The following SAMD4B variants were observed in gnomAD, a reference collection of about 807,000 sequenced individuals.
SAMD4B encodes the protein sterile alpha motif domain containing 4B.
Under a neutral mutation model 74.5 loss-of-function variants are expected in SAMD4B, and 5 were observed. The observed-to-expected ratio is 0.07, with a 90% CI of 0.04 to 0.14. The LOEUF is 0.14. Among genes scored for constraint, SAMD4B ranks in the 10% least tolerant of loss-of-function variants. The pLI, the probability that SAMD4B is intolerant of heterozygous loss-of-function variation, is 1.00. For synonymous variants in SAMD4B, 373 were observed against 374.9 expected (o/e 1.00, Z 0.06); for missense variants, 608 against 921.8 (o/e 0.66, Z 4.41).
intron 2 of SAMD4B, among the ~76,000 whole-genome samples, chr19:39,356,345 C>T (rs1259645278): frequency 6.6e-6 from 1 of 152,170 alleles, no homozygotes; most frequent in Non-Finnish European, 1.5e-5. Context: ...TATCTTTTCT[C>T]ATAATTTGCA....
intron 3 of SAMD4B, among the ~76,000 whole-genome samples, chr19:39,366,676 G>T (rs2076978576): frequency 6.6e-6 from 1 of 152,124 alleles, no homozygotes; most frequent in African/African-American, 2.4e-5. Flanking sequence ...GAGAAATAGG[G>T]CTACAGACAG....
chr19:39,349,772 T>C (rs991496391), intron 1 of SAMD4B: 1 of 152,230 alleles, frequency 6.6e-6, no homozygotes, highest in African/African-American at 2.4e-5. Flanking sequence ...TCCAGAGATG[T>C]TGGTATTAAA....
rs2077908042 is a variant in SAMD4B at position 39,380,591 on chromosome 19, G to A, written c.1654G>A (p.Ala552Thr). Residue 552 changes from alanine to threonine, a missense_variant, in exon 11 of 14, where the codon GCA becomes ACA. By Grantham distance (58) the Ala-to-Thr change is moderately conservative. Around this residue, in one of 9 missense-constraint regions of SAMD4B, gnomAD observed 167 missense variants for 193.0 expected, o/e 0.87. Transcript: ENST00000610417. ...CTGCCTTCTGCTCTCTCATAGCTGGGCATTCGGCTCCAACTCGCTCCCCAT... is the reference window on the plus strand; with the variant it reads ...CTGCCTTCTGCTCTCTCATAGCTGGACATTCGGCTCCAACTCGCTCCCCAT... ...MQNYRQQKGW[A>T]FGSNSLPIAG... 6.2e-7 allele frequency: 1 copy of A among 1,614,184 alleles called. No individual in the cohort carries two copies. The highest frequency in any genetic ancestry group is 8.5e-7 in the Non-Finnish European group (1 of 1,180,034).
intron 3 of SAMD4B, among the ~76,000 whole-genome samples, chr19:39,364,799 C>T (rs576510096): frequency 2.0e-4 from 30 of 152,240 alleles, no homozygotes; most frequent in Non-Finnish European, 4.1e-4. Flanking sequence ...GCCTGAAGGA[C>T]AGCTTCATAA....
intron 1 of SAMD4B, among the ~76,000 whole-genome samples, chr19:39,346,140 G>A (rs1391533634): frequency 6.6e-6 from 1 of 152,178 alleles, no homozygotes; most frequent in African/African-American, 2.4e-5. Flanking sequence ...ATTGGGGCCT[G>A]CCTTCAGGGA....
chr19:39,370,458 CT>C (rs2077223255), intron 4 of SAMD4B, among the ~76,000 whole-genome samples: 1 of 152,182 alleles, frequency 6.6e-6, no homozygotes, highest in Non-Finnish European at 1.5e-5. Flanking sequence ...TCAACAAGAT[CT>C]GTTTTCCTAG....
downstream of SAMD4B, chr19:39,390,295 G>A (rs989009330): frequency 3.1e-6 from 5 of 1,610,162 alleles, no homozygotes; most frequent in African/African-American, 6.7e-5. Flanking sequence ...TGGGCCTAGT[G>A]GAGAAGAAAG....
intron 3 of SAMD4B, among the ~76,000 whole-genome samples, chr19:39,361,801 G>A (rs1188850721): frequency 6.6e-6 from 1 of 151,780 alleles, no homozygotes; most frequent in Admixed American, 6.6e-5. Flanking sequence ...GTGGGCGCCT[G>A]TAGTCCCAGC....
At chr19:39,381,314 C>A in intron 12 of SAMD4B, 1 of 574,490 alleles carries the variant, frequency 1.7e-6, no homozygotes, top group Non-Finnish European at 2.9e-6. Context: ...AGGTCTTGCC[C>A]CCACCCCTCT....
Position 39,369,228 on chromosome 19 carries a change from C to T in SAMD4B, c.197-427C>T, listed in dbSNP as rs140727148. ...AGAGGATTGCCTGAGTCCAGGAGTT[C>T]TGGGCTATAGTGTGCTATGCTGATT... On this transcript the variant is annotated intron_variant, in intron 3 of 13. Coordinates refer to ENST00000610417, the MANE Select transcript of SAMD4B (RefSeq NM_001384574.2). 828 of 173,920 alleles carry T rather than the reference C, an allele frequency of 4.8e-3. 10 individuals are homozygous for T. The highest frequency in any genetic ancestry group is 0.018 in the African/African-American group (744 of 41,806). 10.8% of individuals were successfully genotyped at this position (173,920 alleles called of 1,614,324 possible). A position where few individuals can be genotyped will look rare whatever the true frequency, so the allele number is the denominator to read the frequency against.
Position 39,383,854 on chromosome 19 carries a change from A to AC in SAMD4B, c.*329dup, listed in dbSNP as rs1360843637. 5.3e-6 allele frequency: 4 copies of AC among 750,468 alleles called. No homozygotes were observed. In the African/African-American group the frequency reaches 7.0e-5, roughly 13 times the overall value. The allele number at this position is 750,468 out of a possible 1,614,324, so 46.5% of individuals were successfully genotyped here. ...CACCCCTGCCTCCTCCAGACCGCTG[A>AC]CCACCTGCCTCTCCCCAAGGGAGCA... On this transcript the variant is annotated 3_prime_UTR_variant, in exon 14 of 14. Coordinates refer to ENST00000610417, the MANE Select transcript of SAMD4B (RefSeq NM_001384574.2). This position sits in a 1 kb window ranked among gnomAD's most constrained non-coding sequence, Gnocchi z 4.1.
In SAMD4B at chr19:39,378,833, G is replaced by T. The variant is rs2077764928; in HGVS notation, c.1530+244G>T. 6.6e-6 allele frequency among the ~76,000 whole-genome samples: 1 copy of T among 152,252 alleles called. No individual in the cohort carries two copies. Among genetic ancestry groups the T allele is most frequent in the Non-Finnish European group, 1.5e-5 (1 of 68,042 alleles). ...GAGGCAGAATGGCGTGAACCCGGCA[G>T]GTGGAGCTTGTGGTGAGCCAAGATC... On this transcript the variant is annotated intron_variant, in intron 9 of 13. Coordinates refer to ENST00000610417, the MANE Select transcript of SAMD4B (RefSeq NM_001384574.2). The surrounding 1 kb of genome is among the most constrained non-coding windows in gnomAD (Gnocchi z 4.4).
At chr19:39,372,975 T>G (rs528137275) in intron 4 of SAMD4B, among the ~76,000 whole-genome samples, 57 of 152,148 alleles carry the variant, frequency 3.7e-4, no homozygotes, top group African/African-American at 1.3e-3. Context: ...GTATTAAGGG[T>G]GGGCCACTGC....
In SAMD4B at chr19:39,383,885, C is replaced by A; in HGVS notation, c.*358C>A. 1 of 627,362 alleles carries A rather than the reference C, an allele frequency of 1.6e-6. No homozygotes were observed. The highest frequency in any genetic ancestry group is 2.0e-5 in the South Asian group (1 of 51,130). The allele number at this position is 627,362 out of a possible 1,614,324, so 38.9% of individuals were successfully genotyped here. ...TGCCTCTCCCCAAGGGAGCAGACTCCCCAGAGACAAACTGACCACTACCTT... is the reference window on the plus strand; with the variant it reads ...TGCCTCTCCCCAAGGGAGCAGACTCACCAGAGACAAACTGACCACTACCTT... On this transcript the variant is annotated 3_prime_UTR_variant, in exon 14 of 14. Coordinates refer to ENST00000610417, the MANE Select transcript of SAMD4B (RefSeq NM_001384574.2). This position sits in a 1 kb window ranked among gnomAD's most constrained non-coding sequence, Gnocchi z 4.1.
intron 3 of SAMD4B, among the ~76,000 whole-genome samples, chr19:39,361,780 C>T (rs866557305): frequency 1.3e-5 from 2 of 151,852 alleles, no homozygotes; most frequent in East Asian, 1.9e-4. Flanking sequence ...AAAAATTAAC[C>T]GGACATGGTG....
chr19:39,372,568 T>C (rs1405806484), intron 4 of SAMD4B, among the ~76,000 whole-genome samples: 1 of 152,150 alleles, frequency 6.6e-6, no homozygotes, highest in East Asian at 1.9e-4. Flanking sequence ...TTTGGGGTGC[T>C]GCCAAGAACA....
intron 3 of SAMD4B, among the ~76,000 whole-genome samples, chr19:39,367,255 A>G (rs966209370): frequency 1.3e-5 from 2 of 152,086 alleles, no homozygotes; most frequent in Non-Finnish European, 2.9e-5. Flanking sequence ...TCCTTTGCCC[A>G]TTTCCAAGAC....
At chr19:39,363,635 C>T (rs1174838654) in intron 3 of SAMD4B, among the ~76,000 whole-genome samples, 7 of 152,184 alleles carry the variant, frequency 4.6e-5, no homozygotes, top group African/African-American at 7.2e-5. Flanking sequence ...GAGGTAGAGG[C>T]CTTACAGTCC....
Position 39,369,770 on chromosome 19 carries a change from A to G in SAMD4B, c.312A>G (p.Leu104=), listed in dbSNP as rs748736774. The change falls in exon 4 of 14, where the codon CTA becomes CTG. Residue 104 remains leucine (L), a synonymous_variant. Transcript: ENST00000610417. ...AGGCCAAGTCGGAGTACATGAGGCTACTGCAGAAAGTGCTGGCCTACTCAA... is the reference window on the plus strand; with the variant it reads ...AGGCCAAGTCGGAGTACATGAGGCTGCTGCAGAAAGTGCTGGCCTACTCAA... ...NTEAKSEYMR[L]LQKVLAYSIE... is the part of the protein sequence containing the mutation. The G allele has an allele frequency of 7.4e-6, 12 of 1,614,108 alleles. No individual in the cohort carries two copies. The South Asian group carries it at 9.9e-5, about 13-fold the overall frequency.
Sources: allele counts gnomAD v4.1 joint callset (sites outside exome capture counted in the v4.1 genomes callset), GRCh38; gene constraint gnomAD v4.1.1; regional missense constraint gnomAD v4.1.1; non-coding constraint Gnocchi (gnomAD v3.1); transcripts MANE v1.5; gene names NCBI Gene and HGNC (gene_info 2026-07-23, HGNC 2026-07-21).